The following BABAM2 variants were observed in gnomAD, a reference collection of about 807,000 sequenced individuals.
BABAM2 encodes BRISC and BRCA1 A complex member 2, also known as BRISC and BRCA1-A complex member 2.
In BABAM2, 31 loss-of-function variants were observed where a neutral mutation model predicts 54.7. That is an observed-to-expected ratio of 0.57 (90% CI 0.43 to 0.77). The LOEUF (loss-of-function observed/expected upper bound fraction) is 0.77. Ranked by LOEUF, BABAM2 falls within the 30% of genes least tolerant of loss-of-function variation. The pLI, the probability that BABAM2 is intolerant of heterozygous loss-of-function variation, is 0.00. For synonymous variants in BABAM2, 167 were observed against 162.9 expected (o/e 1.03, Z -0.19); for missense variants, 364 against 455.8 (o/e 0.80, Z 1.83).
rs186015681 is a variant in BABAM2 at position 28,066,349 on chromosome 2, G to C, written c.570+20550G>C. 1.6e-3 allele frequency among the ~76,000 whole-genome samples: 247 copies of C among 151,866 alleles called. 2 individuals carry two copies. Among genetic ancestry groups the C allele is most frequent in the Middle Eastern group, 3.4e-3 (1 of 294 alleles). On this transcript the variant is annotated intron_variant, in intron 6 of 11. Coordinates refer to ENST00000379624, the MANE Select transcript of BABAM2 (RefSeq NM_199191.3). ...TATCAGTAATATGACAGCTTAAAAG[G>C]CTTTTTATTCTTTAGTATATTGTTT...
chr2:28,157,854 C>G (rs1672698616), intron 7 of BABAM2, among the ~76,000 whole-genome samples: 1 of 152,106 alleles, frequency 6.6e-6, no homozygotes, highest in African/African-American at 2.4e-5. Flanking sequence ...CGTGATCTGC[C>G]AGCCTCGGCC....
chr2:28,198,483 AATTTGCAGCCTGG>A (rs761633683), intron 7 of BABAM2, among the ~76,000 whole-genome samples: 63 of 152,186 alleles, frequency 4.1e-4, no homozygotes, highest in Middle Eastern at 3.4e-3. Context: ...CTTTAAAGGA[AATTTGCAGCCTGG>A]ATTTACAATG....
intron 5 of BABAM2, among the ~76,000 whole-genome samples, chr2:28,038,773 C>G (rs141302317): frequency 4.6e-4 from 70 of 152,270 alleles, no homozygotes; most frequent in African/African-American, 1.3e-3. Flanking sequence ...TTTTAAAAAT[C>G]CAGTTCACCA....
At chr2:28,028,377 C>T (rs1390853358) in intron 5 of BABAM2, among the ~76,000 whole-genome samples, 1 of 151,832 alleles carries the variant, frequency 6.6e-6, no homozygotes, top group Admixed American at 6.6e-5. Flanking sequence ...CAATATCCCA[C>T]CCTCCCAACA....
intron 2 of BABAM2, among the ~76,000 whole-genome samples, chr2:27,903,131 C>T (rs1665933478): frequency 6.7e-6 from 1 of 148,604 alleles, no homozygotes; most frequent in Non-Finnish European, 1.5e-5. Context: ...GACCTAGCCT[C>T]ATTTATTGAG....
intron 6 of BABAM2, 73 bp downstream of exon 6, chr2:28,045,872 T>C (rs1309259171): frequency 1.7e-6 from 2 of 1,175,486 alleles, no homozygotes; most frequent in Non-Finnish European, 1.2e-6. Context: ...AATATTTGTA[T>C]GACTGGTTTG....
intron 3 of BABAM2, among the ~76,000 whole-genome samples, chr2:27,948,727 C>T (rs979028493): frequency 1.3e-5 from 2 of 152,034 alleles, no homozygotes; most frequent in African/African-American, 2.4e-5. Context: ...GCTGAAATCA[C>T]GCCACTGCAC....
chr2:28,224,583 GAC>G (rs1189890053), intron 7 of BABAM2, among the ~76,000 whole-genome samples: 20 of 152,296 alleles, frequency 1.3e-4, no homozygotes, highest in African/African-American at 4.1e-4. Context: ...TGGTGCTCAA[GAC>G]ACTGCTGTGG....
chr2:28,002,981 G>A (rs976356320), intron 4 of BABAM2, among the ~76,000 whole-genome samples: 1 of 152,134 alleles, frequency 6.6e-6, no homozygotes. Context: ...AAGGGAGCCA[G>A]TAGCTAAAGA....
At position 28,159,740 on chromosome 2, in the gene BABAM2, C is replaced by T. The variant is rs552959567; in HGVS notation, c.680+30360C>T. The stretch of plus-strand genomic sequence containing the variant: ...ACTAAAAATACAAAAATTAGCTGGG[C>T]GTGGTGGCAAGCACCTGTAATCCCA... On this transcript the variant is annotated intron_variant, in intron 7 of 11. Coordinates refer to ENST00000379624, the MANE Select transcript of BABAM2 (RefSeq NM_199191.3). Among the ~76,000 whole-genome samples the T allele has an allele frequency of 1.7e-3, 259 of 152,036 alleles. 3 individuals carry two copies. The highest frequency in any genetic ancestry group is 1.9e-3 in the East Asian group (10 of 5,144).
chr2:27,925,313 ACT>A (rs1005768700), intron 2 of BABAM2, among the ~76,000 whole-genome samples: 13 of 152,104 alleles, frequency 8.5e-5, no homozygotes, highest in African/African-American at 3.1e-4. Context: ...CACACTTTGA[ACT>A]CTCCATTTCC....
chr2:28,117,259 A>G (rs2148741909), intron 6 of BABAM2, among the ~76,000 whole-genome samples: 1 of 152,356 alleles, frequency 6.6e-6, no homozygotes, highest in African/African-American at 2.4e-5. Context: ...ATGAAGGCCC[A>G]GCATTCCACA....
intron 7 of BABAM2, among the ~76,000 whole-genome samples, chr2:28,148,551 CT>C (rs1481739117): frequency 2.6e-5 from 4 of 152,256 alleles, no homozygotes; most frequent in African/African-American, 9.6e-5. Context: ...CTTTTTCTTT[CT>C]TTTTTTGTAG....
At chr2:28,128,898 A>G (rs1363914227) in intron 6 of BABAM2, among the ~76,000 whole-genome samples, 1 of 152,062 alleles carries the variant, frequency 6.6e-6, no homozygotes, top group East Asian at 1.9e-4. Context: ...ATTACTGGAT[A>G]TTTTAATGTT....
intron 2 of BABAM2, among the ~76,000 whole-genome samples, chr2:27,921,962 G>C (rs1667375471): frequency 6.6e-6 from 1 of 152,056 alleles, no homozygotes; most frequent in Admixed American, 6.6e-5. Flanking sequence ...ACAACACTAG[G>C]AGTCAAGATA....
intron 3 of BABAM2, among the ~76,000 whole-genome samples, chr2:27,932,474 T>G (rs998163271): frequency 6.6e-6 from 1 of 152,208 alleles, no homozygotes; most frequent in Admixed American, 6.5e-5. Context: ...TAAAAGGTAT[T>G]CATTTCTGTT....
intron 7 of BABAM2, among the ~76,000 whole-genome samples, chr2:28,187,317 C>T (rs1676417780): frequency 6.6e-6 from 1 of 152,126 alleles, no homozygotes. Flanking sequence ...GGGCAGGAGC[C>T]ATGTTGGTTT....
At chr2:28,300,802 T>C (rs1688044101) in intron 11 of BABAM2, among the ~76,000 whole-genome samples, 1 of 151,576 alleles carries the variant, frequency 6.6e-6, no homozygotes, top group Non-Finnish European at 1.5e-5. Context: ...ATTTGCTTTA[T>C]GTTAACACCA....
chr2:27,961,006 A>C (rs1337766245), intron 3 of BABAM2, among the ~76,000 whole-genome samples: 1 of 152,228 alleles, frequency 6.6e-6, no homozygotes, highest in East Asian at 1.9e-4. Context: ...GGTGGTGGTC[A>C]GTTGGCATTG....
Sources: gnomAD v4.1 joint callset for allele counts (sites outside exome capture counted in the v4.1 genomes callset) on GRCh38, gnomAD v4.1.1 for gene constraint, MANE v1.5 for transcripts, NCBI Gene and HGNC (gene_info 2026-07-23, HGNC 2026-07-21) for gene names.